TTBK1: variants seen among roughly 807,000 people sequenced by gnomAD.
The protein encoded by TTBK1 is tau tubulin kinase 1.
TTBK1 carries 34 observed loss-of-function variants against 108.5 expected under a neutral mutation model. That is an observed-to-expected ratio of 0.31 (90% confidence interval 0.24 to 0.42). TTBK1 has a LOEUF of 0.42. TTBK1 is among the 10% of genes least tolerant of loss of function. The pLI, the probability that TTBK1 is intolerant of heterozygous loss-of-function variation, is 1.00. For synonymous variants in TTBK1, 809 were observed against 795.1 expected, an observed-to-expected ratio of 1.02 and a Z score of -0.29; for missense variants, 1,539 against 1,826.0, an observed-to-expected ratio of 0.84 and a Z score of 2.86.
At chr6:43,270,755 C>T (rs528390948) in intron 13 of TTBK1, 1 of 985,466 alleles carries the variant, frequency 1.0e-6, no homozygotes, top group Non-Finnish European at 1.2e-6. Context: ...CCAAGGCAGG[C>T]TGGAACTGAG....
chr6:43,253,139 G>A lies in TTBK1; in HGVS notation c.257-152G>A. ...AATCGAGCTGGAGTCTAGGAGACAT[G>A]ATGAGGCTAGGGCCAGGGAGGTGGC... On this transcript the variant is annotated intron_variant, in intron 3 of 14. Coordinates refer to ENST00000259750, the MANE Select transcript of TTBK1 (RefSeq NM_032538.3). The surrounding 1 kb of genome is among the most constrained non-coding windows in gnomAD (Gnocchi z 5.8). 1 of 935,964 alleles carries A rather than the reference G, an allele frequency of 1.1e-6. No individual in the cohort carries two copies. 58.0% of individuals were successfully genotyped at this position (935,964 alleles called of 1,614,324 possible). A position where few individuals can be genotyped will look rare whatever the true frequency, so the allele number is the denominator to read the frequency against.
Position 43,283,443 on chromosome 6 carries a change from G to A in TTBK1, c.2703G>A (p.Gly901=), listed in dbSNP as rs777006358. 28 of 1,613,612 alleles carry A rather than the reference G, an allele frequency of 1.7e-5. No homozygotes were observed. Among genetic ancestry groups the A allele is most frequent in the Admixed American group, 1.7e-4 (10 of 59,976 alleles). The stretch of plus-strand genomic sequence containing the variant: ...CTGAGCCCAAGCCCCCGGGGCCTGG[G>A]GCAGGGCTGGGGGCCGGGACAGTGA... ...LKSEPKPPGP[G]AGLGAGTVTT... Residue 901 remains glycine (G), a synonymous_variant, in exon 14 of 15, where the codon GGG becomes GGA. Transcript: ENST00000259750. This position sits in a 1 kb window ranked among gnomAD's most constrained non-coding sequence, Gnocchi z 8.1.
chr6:43,256,189 G>A (rs2150688661), intron 9 of TTBK1, among the ~76,000 whole-genome samples: 1 of 150,950 alleles, frequency 6.6e-6, no homozygotes, highest in East Asian at 2.0e-4. Context: ...AGGCTGGAGT[G>A]CAGTGGCGTG....
At position 43,243,912 on chromosome 6, in the gene TTBK1, C is replaced by T. The variant is rs1357957369; in HGVS notation, c.-55+204C>T. 6.6e-6 allele frequency among the ~76,000 whole-genome samples: 1 copy of T among 152,128 alleles called. No homozygotes were observed. The highest frequency in any genetic ancestry group is 2.4e-5 in the African/African-American group (1 of 41,434). ...TCCCTGTCCCCAGCACACAGACCTCCCTCCCCAACCCGTCCTCCGGGCACT... is the reference window on the plus strand; with the variant it reads ...TCCCTGTCCCCAGCACACAGACCTCTCTCCCCAACCCGTCCTCCGGGCACT... On this transcript the variant is annotated intron_variant, in intron 1 of 14. Transcript: ENST00000259750. This position sits in a 1 kb window ranked among gnomAD's most constrained non-coding sequence, Gnocchi z 5.5.
At chr6:43,280,140 A>C (rs1271965827) in intron 13 of TTBK1, among the ~76,000 whole-genome samples, 12 of 150,088 alleles carry the variant, frequency 8.0e-5, no homozygotes, top group Non-Finnish European at 4.5e-5. Flanking sequence ...CCAAATCCTC[A>C]CTGATGGTCT....
In TTBK1 at chr6:43,263,725, G is replaced by A. The variant is rs149983379; in HGVS notation, c.1986+375G>A. Among the ~76,000 whole-genome samples, 1 of 152,350 alleles carries A rather than the reference G, an allele frequency of 6.6e-6. No individual in the cohort carries two copies. Among genetic ancestry groups the A allele is most frequent in the Non-Finnish European group, 1.5e-5 (1 of 68,032 alleles). ...TGAGGTCAGCCCTGGGCCCTGCCAC[G>A]GAGGGACTTGGGGCTATACTAAGGG... On this transcript the variant is annotated intron_variant, in intron 13 of 14. Transcript: ENST00000259750. The surrounding 1 kb of genome is among the most constrained non-coding windows in gnomAD (Gnocchi z 4.7).
In TTBK1 at chr6:43,253,271, C is replaced by A; in HGVS notation, c.257-20C>A. On this transcript the variant is annotated intron_variant, in intron 3 of 14. Coordinates refer to ENST00000259750, the MANE Select transcript of TTBK1 (RefSeq NM_032538.3). This position sits in a 1 kb window ranked among gnomAD's most constrained non-coding sequence, Gnocchi z 5.8. ...GGAAGAAAGAGTAAGAGCTGGAAGA[C>A]CTATGTCTGTGCCCCTCAGGGAAGG... The A allele has an allele frequency of 1.2e-6, 2 of 1,613,716 alleles. No homozygotes were observed. The highest frequency in any genetic ancestry group is 1.7e-6 in the Non-Finnish European group (2 of 1,179,670).
At chr6:43,267,592 T>G (rs1370040898) in intron 13 of TTBK1, among the ~76,000 whole-genome samples, 1 of 152,234 alleles carries the variant, frequency 6.6e-6, no homozygotes, top group Non-Finnish European at 1.5e-5. Context: ...AGGCACAATT[T>G]TAAAGTATCT....
chr6:43,271,804 T>A (rs1777841755), intron 13 of TTBK1: 15 of 984,792 alleles, frequency 1.5e-5, no homozygotes, highest in South Asian at 4.7e-5. Context: ...TTTGAGGATG[T>A]CTGGGCCAAG....
In TTBK1 at chr6:43,276,467, G is replaced by A. The variant is rs1462484097; in HGVS notation, c.1987-6260G>A. Among the ~76,000 whole-genome samples, 3 of 152,078 alleles carry A rather than the reference G, an allele frequency of 2.0e-5. No individual in the cohort carries two copies. The highest frequency in any genetic ancestry group is 1.3e-4 in the Admixed American group (2 of 15,282). ...CAACACTTGAAACCGACACGCACAC[G>A]CGCGGCGCCGCCACGGGGGTGGGAC... On this transcript the variant is annotated intron_variant, in intron 13 of 14. Transcript: ENST00000259750. This position sits in a 1 kb window ranked among gnomAD's most constrained non-coding sequence, Gnocchi z 5.4.
chr6:43,254,331 T>A (rs1777326881), intron 5 of TTBK1, among the ~76,000 whole-genome samples: 1 of 152,234 alleles, frequency 6.6e-6, no homozygotes, highest in Non-Finnish European at 1.5e-5. Context: ...TCTTTGACCT[T>A]TAGTTTCCTC....
At chr6:43,258,791 T>C (rs979906975) in intron 10 of TTBK1, among the ~76,000 whole-genome samples, 5 of 152,132 alleles carry the variant, frequency 3.3e-5, no homozygotes, top group Non-Finnish European at 7.4e-5. Flanking sequence ...GACAGCAGGA[T>C]CCACTAAGTC....
chr6:43,284,906 C>CA, intron 14 of TTBK1, 77 bp from the exon 15 acceptor site: 1 of 1,445,834 alleles, frequency 6.9e-7, no homozygotes. Context: ...GCTCAGTGCC[C>CA]AGGAGGATTC....
chr6:43,270,561 T>G, intron 13 of TTBK1: 1 of 985,424 alleles, frequency 1.0e-6, no homozygotes, highest in Non-Finnish European at 1.2e-6. Context: ...TAGCGAGACT[T>G]TCTCAGGCCA....
intron 2 of TTBK1, among the ~76,000 whole-genome samples, chr6:43,247,458 T>C (rs1036695009): frequency 1.1e-4 from 17 of 152,154 alleles, no homozygotes; most frequent in Admixed American, 1.0e-3. Context: ...ATCACCTCCC[T>C]TTTTCCGTCA....
At chr6:43,281,030 T>C (rs1778144018) in intron 13 of TTBK1, among the ~76,000 whole-genome samples, 1 of 152,118 alleles carries the variant, frequency 6.6e-6, no homozygotes. Flanking sequence ...CAGCCAGTAG[T>C]AGCCAGGTCA....
intron 13 of TTBK1, chr6:43,271,170 G>C: frequency 1.0e-6 from 1 of 985,512 alleles, no homozygotes; most frequent in South Asian, 4.7e-5. Flanking sequence ...GTACTAGAAA[G>C]GGCCGTGCCT....
chr6:43,268,630 G>A (rs530055002), intron 13 of TTBK1, among the ~76,000 whole-genome samples: 2 of 152,274 alleles, frequency 1.3e-5, no homozygotes, highest in South Asian at 2.1e-4. Context: ...AACACCCTGG[G>A]CGCCATTTCT....
chr6:43,283,132 G>A lies in TTBK1; in HGVS notation c.2392G>A (p.Asp798Asn). The change falls in exon 14 of 15, where the codon GAC becomes AAC. Residue 798 changes from aspartate (D) to asparagine (N), a missense_variant. Around this residue, in one of 5 missense-constraint regions of TTBK1, gnomAD observed 1,055 missense variants for 1,086.5 expected, o/e 0.97. Coordinates refer to ENST00000259750, the MANE Select transcript of TTBK1 (RefSeq NM_032538.3). The surrounding 1 kb of genome is among the most constrained non-coding windows in gnomAD (Gnocchi z 8.1). ...SSSEGSERSTDRSQEGAPSTL... is the reference protein window; with the variant it reads ...SSSEGSERSTNRSQEGAPSTL... ...CAGTGAGGGGAGTGAGAGGAGCACT[G>A]ACCGGAGCCAGGAGGGTGCCCCGTC... 5 of 1,573,566 alleles carry A rather than the reference G, an allele frequency of 3.2e-6. No homozygotes were observed. The highest frequency in any genetic ancestry group is 1.3e-5 in the African/African-American group (1 of 74,164).
Sources: gnomAD v4.1 joint callset for allele counts (sites outside exome capture counted in the v4.1 genomes callset) on GRCh38, gnomAD v4.1.1 for gene constraint, gnomAD v4.1.1 regional missense constraint, Gnocchi (gnomAD v3.1) non-coding constraint, MANE v1.5 for transcripts, NCBI Gene and HGNC (gene_info 2026-07-23, HGNC 2026-07-21) for gene names.